The following SNTG1 variants were observed in gnomAD, a reference collection of about 807,000 sequenced individuals.
SNTG1 encodes the protein syntrophin gamma 1.
SNTG1 carries 39 observed loss-of-function variants against 74.7 expected under a neutral mutation model. That is an observed-to-expected ratio of 0.52 (90% CI 0.40 to 0.68). SNTG1 has a LOEUF of 0.68. Among genes scored for constraint, SNTG1 ranks in the 30% least tolerant of loss-of-function variants. The probability of loss-of-function intolerance (pLI) is 0.00; values close to 1 mark genes in which losing one functional copy is unlikely to be tolerated. For missense variants in SNTG1, 685 were observed against 609.5 expected, an observed-to-expected ratio of 1.12 and a Z score of -1.30; for synonymous variants, 254 against 217.1, an observed-to-expected ratio of 1.17 and a Z score of -1.49.
intron 9 of SNTG1, among the ~76,000 whole-genome samples, chr8:50,515,613 G>C (rs540220679): frequency 1.3e-5 from 2 of 152,136 alleles, no homozygotes; most frequent in South Asian, 2.1e-4. Flanking sequence ...CAAGCTTGAT[G>C]GGGGGAAGGG....
chr8:50,608,566 T>G (rs549181603), intron 13 of SNTG1, among the ~76,000 whole-genome samples: 130 of 152,020 alleles, frequency 8.6e-4, no homozygotes, highest in South Asian at 2.3e-3. Flanking sequence ...TCTAATCTTT[T>G]AGCTTCAATC....
chr8:50,040,259 A>G (rs1818521776), intron 1 of SNTG1, among the ~76,000 whole-genome samples: 1 of 152,178 alleles, frequency 6.6e-6, no homozygotes, highest in South Asian at 2.1e-4. Context: ...TTTGCACCAC[A>G]CACTAAAACC....
intron 2 of SNTG1, among the ~76,000 whole-genome samples, chr8:50,335,500 T>C (rs900802389): frequency 1.3e-5 from 2 of 152,240 alleles, no homozygotes; most frequent in African/African-American, 4.8e-5. Context: ...TCTTGGTGGC[T>C]ATCGCCAGGG....
chr8:50,313,267 G>T (rs943457233), intron 2 of SNTG1, among the ~76,000 whole-genome samples: 2 of 149,718 alleles, frequency 1.3e-5, no homozygotes, highest in African/African-American at 2.5e-5. Context: ...TGATTTTTTT[G>T]AATATGACAC....
intron 8 of SNTG1, among the ~76,000 whole-genome samples, chr8:50,451,235 A>G (rs2093454212): frequency 6.6e-6 from 1 of 152,220 alleles, no homozygotes; most frequent in Admixed American, 6.5e-5. Flanking sequence ...ATTACATAGT[A>G]TTTGCATTAT....
chr8:50,179,234 G>A (rs1051988071), intron 2 of SNTG1, among the ~76,000 whole-genome samples: 8 of 152,082 alleles, frequency 5.3e-5, no homozygotes, highest in African/African-American at 1.7e-4. Context: ...TTGAAGTCAG[G>A]AAATATGATA....
At chr8:50,701,917 C>T (rs2095427460) in intron 15 of SNTG1, among the ~76,000 whole-genome samples, 2 of 151,388 alleles carry the variant, frequency 1.3e-5, no homozygotes, top group African/African-American at 4.9e-5. Context: ...GTGGCACAGT[C>T]TTGGCTCACT....
intron 1 of SNTG1, among the ~76,000 whole-genome samples, chr8:49,994,486 A>C (rs1438429796): frequency 6.6e-6 from 1 of 151,214 alleles, no homozygotes; most frequent in African/African-American, 2.4e-5. Context: ...GCTGGTCTCA[A>C]ACTCTTGACC....
rs921293292 is a variant in SNTG1 at position 50,007,110 on chromosome 8, C to T, written c.-103+94879C>T. Among the ~76,000 whole-genome samples the T allele has an allele frequency of 5.3e-5, 8 of 152,196 alleles. No individual in the cohort carries two copies. In the East Asian group the frequency reaches 1.6e-3, roughly 30 times the overall value. ...ATTGCCACAGGGCTTCTGATCAGTC[C>T]CCTCTACTGGTTTGCCTCAACTTGC... On this transcript the variant is annotated intron_variant, in intron 1 of 18. Transcript: ENST00000642720.
intron 2 of SNTG1, among the ~76,000 whole-genome samples, chr8:50,233,987 T>C (rs1362974380): frequency 2.0e-5 from 3 of 151,910 alleles, no homozygotes; most frequent in Non-Finnish European, 4.4e-5. Context: ...AAAAATGCTT[T>C]GGCATTTTTT....
rs373288755 is a variant in SNTG1 at position 50,660,426 on chromosome 8, G to GAAAGAAAGAAAGAAAGAAAGAAAGA, written c.1038+1765_1038+1766insAGAAAGAAAGAAAGAAAGAAAGAAA. On this transcript the variant is annotated intron_variant, in intron 15 of 18. Transcript: ENST00000642720. Reference sequence around the variant, plus strand: ...GAAAGAAAGAAAAGAAAGAAAGAAAGAAGAAAGAAAGAAAGAGAAAAAAGA... The same window carrying GAAAGAAAGAAAGAAAGAAAGAAAGA: ...GAAAGAAAGAAAAGAAAGAAAGAAAGAAAGAAAGAAAGAAAGAAAGAAAGAAAGAAAGAAAGAAAGAGAAAAAAGA... 2.0e-3 allele frequency among the ~76,000 whole-genome samples: 145 copies of GAAAGAAAGAAAGAAAGAAAGAAAGA among 72,834 alleles called. 5 individuals carry two copies. The highest frequency in any genetic ancestry group is 4.8e-3 in the African/African-American group (141 of 29,092). The allele number at this position is 72,834 out of a possible 152,430, so 47.8% of individuals were successfully genotyped here.
intron 2 of SNTG1, among the ~76,000 whole-genome samples, chr8:50,364,418 A>T (rs930655267): frequency 6.6e-6 from 1 of 152,188 alleles, no homozygotes; most frequent in African/African-American, 2.4e-5. Flanking sequence ...ATGACATCGT[A>T]ATTTCACACA....
chr8:50,522,109 G>A (rs969293684), intron 9 of SNTG1, among the ~76,000 whole-genome samples: 1 of 152,074 alleles, frequency 6.6e-6, no homozygotes, highest in Non-Finnish European at 1.5e-5. Flanking sequence ...AGCTGTCCCT[G>A]TATTAAATAT....
In SNTG1 at chr8:50,787,324, A is replaced by T. The variant is rs546420722; in HGVS notation, c.1396-5347A>T. ...TATAGGATGGTTATAATATTTTTTT[A>T]AAAAAAGAAACTAGACAATAATAAT... On this transcript the variant is annotated intron_variant, in intron 18 of 18. Coordinates refer to ENST00000642720, the MANE Select transcript of SNTG1 (RefSeq NM_018967.5). Among the ~76,000 whole-genome samples the T allele has an allele frequency of 2.7e-3, 409 of 151,924 alleles. 3 individuals are homozygous for T. The highest frequency in any genetic ancestry group is 8.6e-3 in the African/African-American group (359 of 41,512).
intron 10 of SNTG1, among the ~76,000 whole-genome samples, chr8:50,534,375 G>C (rs961269712): frequency 1.3e-5 from 2 of 152,126 alleles, no homozygotes; most frequent in Admixed American, 1.3e-4. Context: ...TGCAATCCCT[G>C]TGGACATCTC....
At chr8:50,346,678 G>T (rs2091487197) in intron 2 of SNTG1, among the ~76,000 whole-genome samples, 1 of 152,196 alleles carries the variant, frequency 6.6e-6, no homozygotes, top group Admixed American at 6.5e-5. Context: ...AGATTTTGAA[G>T]GAAATTAAAA....
chr8:50,761,656 C>A (rs1407117965), intron 18 of SNTG1, among the ~76,000 whole-genome samples: 1 of 150,996 alleles, frequency 6.6e-6, no homozygotes, highest in Non-Finnish European at 1.5e-5. Context: ...GTCTTATGAT[C>A]ACACATAATT....
intron 1 of SNTG1, among the ~76,000 whole-genome samples, chr8:49,943,129 T>C (rs1375565292): frequency 6.6e-6 from 1 of 152,192 alleles, no homozygotes; most frequent in African/African-American, 2.4e-5. Context: ...ATATGTTTCT[T>C]TAAAAAGTAT....
chr8:50,026,564 CATTT>C (rs1414384290), intron 1 of SNTG1, among the ~76,000 whole-genome samples: 1 of 152,098 alleles, frequency 6.6e-6, no homozygotes, highest in African/African-American at 2.4e-5. Flanking sequence ...GCACGAGAGA[CATTT>C]ATGAGTTTAA....
Sources: allele counts gnomAD v4.1 joint callset (sites outside exome capture counted in the v4.1 genomes callset), GRCh38; gene constraint gnomAD v4.1.1; transcripts MANE v1.5; gene names NCBI Gene and HGNC (gene_info 2026-07-23, HGNC 2026-07-21).